Variants in ZNF892 observed in about 807,000 individuals in gnomAD.
ZNF892 encodes zinc finger protein 892.
At chr2:95,232,369 C>T in the ZNF892 span, among the ~76,000 whole-genome samples, 1 of 152,152 alleles carries the variant, frequency 6.6e-6, no homozygotes, top group Admixed American at 6.5e-5. Flanking sequence ...GAAACAGATA[C>T]CAAGGGGCAT....
chr2:95,233,985 C>A, the ZNF892 span, among the ~76,000 whole-genome samples: 2 of 152,202 alleles, frequency 1.3e-5, no homozygotes, highest in Non-Finnish European at 2.9e-5. Flanking sequence ...TGGCTCATTT[C>A]TTAATTTTGA....
the ZNF892 span, among the ~76,000 whole-genome samples, chr2:95,226,911 G>C: frequency 6.6e-6 from 1 of 152,208 alleles, no homozygotes; most frequent in Admixed American, 6.5e-5. Context: ...CCTGGCTTAA[G>C]TGGCTCTTGA....
chr2:95,252,940 T>G, the ZNF892 span, among the ~76,000 whole-genome samples: 1 of 152,240 alleles, frequency 6.6e-6, no homozygotes, highest in East Asian at 1.9e-4. Context: ...GTTGTTTGTT[T>G]TTTTCTTGTA....
chr2:95,263,509 A>C, the ZNF892 span, among the ~76,000 whole-genome samples: 1 of 152,202 alleles, frequency 6.6e-6, no homozygotes, highest in African/African-American at 2.4e-5. Flanking sequence ...TAAAATATTA[A>C]ATTTTTGGCA....
the ZNF892 span, among the ~76,000 whole-genome samples, chr2:95,262,355 C>T: frequency 2.0e-5 from 3 of 152,186 alleles, no homozygotes; most frequent in Non-Finnish European, 1.5e-5. Flanking sequence ...ACTCCCTTCT[C>T]CCTGAGCCAC....
At chr2:95,226,429 C>T in the ZNF892 span, among the ~76,000 whole-genome samples, 1 of 152,126 alleles carries the variant, frequency 6.6e-6, no homozygotes, top group South Asian at 2.1e-4. Flanking sequence ...TGTATTTTCA[C>T]TGGATGTTAA....
chr2:95,258,541 T>C, the ZNF892 span, among the ~76,000 whole-genome samples: 1 of 152,178 alleles, frequency 6.6e-6, no homozygotes, highest in Admixed American at 6.6e-5. Flanking sequence ...TGGCAATGGC[T>C]GGAAGGTTGT....
chr2:95,219,395 C>T, the ZNF892 span, among the ~76,000 whole-genome samples: 3 of 152,106 alleles, frequency 2.0e-5, no homozygotes, highest in African/African-American at 7.2e-5. Context: ...AGTTTTATTT[C>T]AGTTATTGTA....
At chr2:95,214,616 T>C in the ZNF892 span, 3 of 400,086 alleles carry the variant, frequency 7.5e-6, no homozygotes, top group East Asian at 3.6e-5. Flanking sequence ...GACTACATCA[T>C]TGTGATTCAT....
At chr2:95,220,900 CATATG>C in the ZNF892 span, among the ~76,000 whole-genome samples, 1 of 152,128 alleles carries the variant, frequency 6.6e-6, no homozygotes, top group African/African-American at 2.4e-5. Flanking sequence ...GTTTGAAAAA[CATATG>C]AGAAGCACTG....
At chr2:95,247,632 A>T in the ZNF892 span, among the ~76,000 whole-genome samples, 1 of 152,214 alleles carries the variant, frequency 6.6e-6, no homozygotes, top group Non-Finnish European at 1.5e-5. Context: ...TAATATTTAT[A>T]ATCTATAAGG....
the ZNF892 span, among the ~76,000 whole-genome samples, chr2:95,235,509 C>T: frequency 6.6e-6 from 1 of 152,128 alleles, no homozygotes; most frequent in African/African-American, 2.4e-5. Context: ...CTACAGGCGC[C>T]AGCCACCATG....
the ZNF892 span, among the ~76,000 whole-genome samples, chr2:95,235,341 G>A: frequency 1.5e-4 from 23 of 151,668 alleles, no homozygotes; most frequent in African/African-American, 5.6e-4. Flanking sequence ...TTCAGTTATA[G>A]CACTGGATGT....
At chr2:95,221,913 C>A in the ZNF892 span, among the ~76,000 whole-genome samples, 2 of 152,258 alleles carry the variant, frequency 1.3e-5, no homozygotes, top group Non-Finnish European at 2.9e-5. Context: ...ATAGTTCCTT[C>A]TTCTCCTCCT....
At chr2:95,244,939 CTT>C in the ZNF892 span, among the ~76,000 whole-genome samples, 1 of 152,126 alleles carries the variant, frequency 6.6e-6, no homozygotes, top group Admixed American at 6.6e-5. Context: ...CTGAATGACT[CTT>C]GGGTAAATCA....
chr2:95,214,767 G>A, the ZNF892 span: 1 of 452,744 alleles, frequency 2.2e-6, no homozygotes. Context: ...AATTCACACA[G>A]GAGAAAAACC....
At chr2:95,207,586 G>C in the ZNF892 span, 1 of 385,154 alleles carries the variant, frequency 2.6e-6, no homozygotes, top group South Asian at 1.4e-4. Flanking sequence ...TTGTCGTCGG[G>C]CTCGGCTTCC....
chr2:95,240,567 C>T, the ZNF892 span, among the ~76,000 whole-genome samples: 1 of 152,212 alleles, frequency 6.6e-6, no homozygotes, highest in African/African-American at 2.4e-5. Context: ...AGGAGTTTTA[C>T]ATACTCCAGC....
chr2:95,223,060 GT>G, the ZNF892 span, among the ~76,000 whole-genome samples: 1 of 152,268 alleles, frequency 6.6e-6, no homozygotes, highest in Non-Finnish European at 1.5e-5. Context: ...AGTTAAGCGG[GT>G]CTGTTTCTCA....
Sources: allele counts gnomAD v4.1 joint callset (sites outside exome capture counted in the v4.1 genomes callset), GRCh38; gene constraint gnomAD v4.1.1; transcripts MANE v1.5; gene names NCBI Gene and HGNC (gene_info 2026-07-23, HGNC 2026-07-21).